PCMTD1: variants seen among roughly 807,000 people sequenced by gnomAD.
The protein encoded by PCMTD1 is protein-L-isoaspartate O-methyltransferase domain-containing protein 1.
In PCMTD1, 12 loss-of-function variants were observed where a neutral mutation model predicts 37.6. The observed-to-expected ratio is 0.32, with a 90% CI of 0.20 to 0.52. PCMTD1 has a LOEUF of 0.52. PCMTD1 is among the 20% of genes least tolerant of loss of function. PCMTD1 has a pLI of 0.97. For missense variants in PCMTD1, 235 were observed against 421.3 expected (o/e 0.56, Z 3.87); for synonymous variants, 117 against 135.8 (o/e 0.86, Z 0.96).
intron 1 of PCMTD1, among the ~76,000 whole-genome samples, chr8:51,868,673 A>G (rs1476809132): frequency 6.6e-6 from 1 of 152,170 alleles, no homozygotes; most frequent in Non-Finnish European, 1.5e-5. Context: ...ATAAAGATAC[A>G]GAAAGAGAAG....
intron 1 of PCMTD1, among the ~76,000 whole-genome samples, chr8:51,861,959 C>G (rs2038477169): frequency 2.0e-5 from 3 of 152,118 alleles, no homozygotes; most frequent in Admixed American, 2.0e-4. Context: ...AGAGATCCAT[C>G]CGCCCGGGCC....
intron 2 of PCMTD1, among the ~76,000 whole-genome samples, chr8:51,848,662 T>C (rs959249015): frequency 7.4e-6 from 1 of 135,708 alleles, no homozygotes; most frequent in Admixed American, 7.3e-5. Flanking sequence ...TTTTTAAACA[T>C]AACTTGTTTT....
At chr8:51,875,400 G>A (rs2038696142) in intron 1 of PCMTD1, among the ~76,000 whole-genome samples, 2 of 152,040 alleles carry the variant, frequency 1.3e-5, no homozygotes. Flanking sequence ...AGGTTATGGT[G>A]GTAAGTCACG....
chr8:51,889,588 T>C (rs1041488489), intron 1 of PCMTD1, among the ~76,000 whole-genome samples: 1 of 152,234 alleles, frequency 6.6e-6, no homozygotes, highest in African/African-American at 2.4e-5. Context: ...CTGAGGAAAC[T>C]GAAGTCATTC....
chr8:51,864,245 C>T (rs1223543790), intron 1 of PCMTD1, among the ~76,000 whole-genome samples: 1 of 152,082 alleles, frequency 6.6e-6, no homozygotes, highest in Non-Finnish European at 1.5e-5. Flanking sequence ...AATATTGGAG[C>T]ACCTAAATAT....
At chr8:51,878,352 T>G (rs546148623) in intron 1 of PCMTD1, among the ~76,000 whole-genome samples, 2 of 149,972 alleles carry the variant, frequency 1.3e-5, no homozygotes, top group Admixed American at 6.8e-5. Context: ...AGCCAAAAGA[T>G]TGGACACCCC....
chr8:51,860,386 G>A (rs1402510298), intron 2 of PCMTD1: 2 of 156,238 alleles, frequency 1.3e-5, no homozygotes, highest in African/African-American at 4.8e-5. Flanking sequence ...AAAGCTTAAT[G>A]AACATATACT....
intron 1 of PCMTD1, among the ~76,000 whole-genome samples, chr8:51,898,544 C>T (rs1381268023): frequency 6.6e-6 from 1 of 152,144 alleles, no homozygotes; most frequent in Non-Finnish European, 1.5e-5. Flanking sequence ...AGACGCCAGC[C>T]TCGGGACTCT....
chr8:51,895,840 G>A (rs1435284578), intron 1 of PCMTD1: 1 of 151,514 alleles, frequency 6.6e-6, no homozygotes, highest in Non-Finnish European at 1.5e-5. Context: ...CTTAACAATT[G>A]CCAGTAAAAT....
rs1022362606 is a variant in PCMTD1 at position 51,827,313 on chromosome 8, T to C, written c.706+4131A>G. The C allele has an allele frequency of 7.2e-6, 9 of 1,245,328 alleles. No individual in the cohort carries two copies. In the Admixed American group the frequency reaches 1.9e-4, roughly 26 times the overall value. 77.1% of individuals were successfully genotyped at this position (1,245,328 alleles called of 1,614,324 possible). On this transcript the variant is annotated intron_variant, in intron 5 of 5. Transcript: ENST00000522514. The stretch of plus-strand genomic sequence containing the variant: ...TTTCAAGTACAGTAGTCTCCCTTTA[T>C]GCACAGTTTCACTTTCCACGGTTTC...
At chr8:51,848,398 T>G (rs909729308) in intron 2 of PCMTD1, among the ~76,000 whole-genome samples, 2 of 151,978 alleles carry the variant, frequency 1.3e-5, no homozygotes, top group Non-Finnish European at 2.9e-5. Context: ...AGGTCAATAC[T>G]GCTGGCACTC....
chr8:51,846,662 G>T (rs988787505), intron 2 of PCMTD1, among the ~76,000 whole-genome samples: 1 of 152,162 alleles, frequency 6.6e-6, no homozygotes, highest in African/African-American at 2.4e-5. Flanking sequence ...TACTTAACTG[G>T]ATGTGCCCTC....
At chr8:51,898,305 C>A (rs887092250) in intron 1 of PCMTD1, among the ~76,000 whole-genome samples, 1 of 152,154 alleles carries the variant, frequency 6.6e-6, no homozygotes, top group Non-Finnish European at 1.5e-5. Context: ...CCTCCCCATG[C>A]CGGTGTCTGA....
At position 51,846,926 on chromosome 8, in the gene PCMTD1, T is replaced by A. The variant is rs2038229974; in HGVS notation, c.308-1163A>T. Among the ~76,000 whole-genome samples, 3 of 152,222 alleles carry A rather than the reference T, an allele frequency of 2.0e-5. No homozygotes were observed. The South Asian group carries it at 6.2e-4, about 32-fold the overall frequency. Reference sequence around the variant, plus strand: ...CTTTTATAAAAACATTGCTTTTACTTGAAAAATGTGTTCCAATAGGAAAAA... The same window carrying A: ...CTTTTATAAAAACATTGCTTTTACTAGAAAAATGTGTTCCAATAGGAAAAA... On this transcript the variant is annotated intron_variant, in intron 2 of 5. Transcript: ENST00000522514.
At chr8:51,892,677 GCTAT>G (rs2038952264) in intron 1 of PCMTD1, among the ~76,000 whole-genome samples, 1 of 152,144 alleles carries the variant, frequency 6.6e-6, no homozygotes, top group Admixed American at 6.5e-5. Flanking sequence ...TATAGCTGTA[GCTAT>G]CTATAATATA....
At chr8:51,855,968 A>G (rs1022589389) in intron 2 of PCMTD1, among the ~76,000 whole-genome samples, 10 of 152,122 alleles carry the variant, frequency 6.6e-5, no homozygotes, top group Admixed American at 3.9e-4. Context: ...CGCCTGGCCC[A>G]GAATGTGTTT....
At chr8:51,837,805 G>T (rs1012739889) in intron 3 of PCMTD1, among the ~76,000 whole-genome samples, 4 of 151,980 alleles carry the variant, frequency 2.6e-5, no homozygotes, top group African/African-American at 9.7e-5. Context: ...TTTGAGAAGG[G>T]GTCTTGCTTT....
chr8:51,887,884 G>A (rs1325010644), intron 1 of PCMTD1, among the ~76,000 whole-genome samples: 2 of 151,690 alleles, frequency 1.3e-5, no homozygotes, highest in African/African-American at 4.8e-5. Context: ...TGGGATTACA[G>A]GCACGTGCCA....
intron 1 of PCMTD1, among the ~76,000 whole-genome samples, chr8:51,891,510 C>A (rs943678942): frequency 4.6e-5 from 7 of 151,694 alleles, no homozygotes; most frequent in Non-Finnish European, 1.0e-4. Flanking sequence ...GAGCCGAGAT[C>A]GCACTACTGC....
Sources: allele counts gnomAD v4.1 joint callset (sites outside exome capture counted in the v4.1 genomes callset), GRCh38; gene constraint gnomAD v4.1.1; transcripts MANE v1.5; gene names NCBI Gene and HGNC (gene_info 2026-07-23, HGNC 2026-07-21).